DYRK1A: variants seen among roughly 807,000 people sequenced by gnomAD.
DYRK1A encodes dual specificity tyrosine-phosphorylation-regulated kinase 1A.
A neutral mutation model predicts 79.7 loss-of-function variants in DYRK1A; 9 were observed. The observed-to-expected ratio is 0.11, with a 90% confidence interval of 0.07 to 0.20. DYRK1A has a LOEUF of 0.20. Ranked by LOEUF, DYRK1A falls within the 10% of genes least tolerant of loss-of-function variation. The probability of loss-of-function intolerance (pLI) is 1.00; values close to 1 mark genes in which losing one functional copy is unlikely to be tolerated. For synonymous variants in DYRK1A, 349 were observed against 329.7 expected (o/e 1.06, Z -0.63); for missense variants, 622 against 956.0 (o/e 0.65, Z 4.61).
In DYRK1A at chr21:37,486,456, T is replaced by A. The variant is rs758070032; in HGVS notation, c.490-11T>A. ...TTAATGAAATAGAGAATTATTCATC[T>A]TCTCTTTTAGGTTGTAAAGGCATAT... On this transcript the variant is annotated splice_polypyrimidine_tract_variant and intron_variant, in intron 5 of 11. Coordinates refer to ENST00000647188, the MANE Select transcript of DYRK1A (RefSeq NM_001347721.2). 2.8e-6 allele frequency: 4 copies of A among 1,428,876 alleles called. No individual in the cohort carries two copies. In the East Asian group the frequency reaches 8.0e-5, roughly 29 times the overall value. 88.5% of individuals were successfully genotyped at this position (1,428,876 alleles called of 1,614,324 possible). A position where few individuals can be genotyped will look rare whatever the true frequency, so the allele number is the denominator to read the frequency against.
At chr21:37,406,861 C>T (rs2050157697) in intron 1 of DYRK1A, among the ~76,000 whole-genome samples, 1 of 146,068 alleles carries the variant, frequency 6.8e-6, no homozygotes. Context: ...GTGACTTTTA[C>T]TAGTGAAAAT....
chr21:37,523,996 G>A lies in DYRK1A; in HGVS notation c.*11465G>A, dbSNP rs997250124. On this transcript the variant is annotated 3_prime_UTR_variant, in exon 12 of 12. Coordinates refer to ENST00000647188, the MANE Select transcript of DYRK1A (RefSeq NM_001347721.2). The stretch of plus-strand genomic sequence containing the variant: ...TTTTGAATGCCACTTGTATTCCCAT[G>A]CTACAACATTTTATTTTTTATTACC... 3 of 152,180 alleles carry A rather than the reference G, an allele frequency of 2.0e-5. No homozygotes were observed. The highest frequency in any genetic ancestry group is 6.5e-5 in the Admixed American group (1 of 15,274). 9.4% of individuals were successfully genotyped at this position (152,180 alleles called of 1,614,324 possible).
At chr21:37,439,448 T>C (rs1601091378) in intron 2 of DYRK1A, among the ~76,000 whole-genome samples, 1 of 152,156 alleles carries the variant, frequency 6.6e-6, no homozygotes, top group East Asian at 1.9e-4. Context: ...TCAGTGTCCT[T>C]TATCACAAGG....
intron 4 of DYRK1A, among the ~76,000 whole-genome samples, chr21:37,479,619 GTTT>G (rs565080496): frequency 2.7e-5 from 2 of 73,898 alleles, no homozygotes; most frequent in African/African-American, 1.0e-4. Flanking sequence ...TTTGTTTTTT[GTTT>G]TTTTTTTTTT....
chr21:37,499,967 A>G (rs1021418893), intron 9 of DYRK1A, among the ~76,000 whole-genome samples: 4 of 152,192 alleles, frequency 2.6e-5, no homozygotes, highest in Non-Finnish European at 4.4e-5. Flanking sequence ...ATGAGGGCCA[A>G]CTTTTCACAT....
At chr21:37,470,516 A>T (rs2052185235) in intron 2 of DYRK1A, among the ~76,000 whole-genome samples, 1 of 152,218 alleles carries the variant, frequency 6.6e-6, no homozygotes, top group Non-Finnish European at 1.5e-5. Flanking sequence ...GAATAGGGTC[A>T]GTATAGTAAT....
At chr21:37,478,114 A>C in intron 3 of DYRK1A, 94 bp from the exon 4 acceptor site, 1 of 1,539,464 alleles carries the variant, frequency 6.5e-7, no homozygotes, top group Non-Finnish European at 8.8e-7. Flanking sequence ...AAGTAGATAC[A>C]TGCAGGTTAC....
At chr21:37,403,700 T>TG (rs2050100565) in intron 1 of DYRK1A, among the ~76,000 whole-genome samples, 1 of 146,616 alleles carries the variant, frequency 6.8e-6, no homozygotes, top group African/African-American at 2.5e-5. Flanking sequence ...TGTGTGTGTG[T>TG]TCACCAGGCT....
At chr21:37,414,022 A>G (rs1318990178) in intron 1 of DYRK1A, among the ~76,000 whole-genome samples, 1 of 152,154 alleles carries the variant, frequency 6.6e-6, no homozygotes, top group Non-Finnish European at 1.5e-5. Flanking sequence ...AGTACTGTGC[A>G]CCTGGTAAAA....
chr21:37,400,823 C>T (rs904873762), intron 1 of DYRK1A, among the ~76,000 whole-genome samples: 4 of 152,118 alleles, frequency 2.6e-5, no homozygotes, highest in Admixed American at 1.3e-4. Context: ...TGATTGTACC[C>T]TTTCTAAAGT....
At chr21:37,457,186 C>G (rs546248389) in intron 2 of DYRK1A, among the ~76,000 whole-genome samples, 3 of 152,056 alleles carry the variant, frequency 2.0e-5, no homozygotes, top group Non-Finnish European at 4.4e-5. Context: ...TTGTCTCAGA[C>G]TCCGGAGTAG....
At chr21:37,455,819 G>A (rs1337424684) in intron 2 of DYRK1A, among the ~76,000 whole-genome samples, 2 of 152,080 alleles carry the variant, frequency 1.3e-5, no homozygotes, top group Admixed American at 6.5e-5. Context: ...ACTGTTCTTA[G>A]TACCTTGAGG....
chr21:37,478,905 C>A (rs548808421), intron 4 of DYRK1A, among the ~76,000 whole-genome samples: 1 of 152,262 alleles, frequency 6.6e-6, no homozygotes, highest in South Asian at 2.1e-4. Context: ...GAATTCCTTG[C>A]CTGTACTTGG....
At chr21:37,479,997 C>T (rs1274457091) in intron 4 of DYRK1A, among the ~76,000 whole-genome samples, 1 of 151,934 alleles carries the variant, frequency 6.6e-6, no homozygotes, top group Non-Finnish European at 1.5e-5. Flanking sequence ...GGAGTGGGGG[C>T]TAAGAGGCCA....
In DYRK1A at chr21:37,514,604, A is replaced by G. The variant is rs2053848619; in HGVS notation, c.*2073A>G. The G allele has an allele frequency of 6.6e-6, 1 of 152,642 alleles. No individual in the cohort carries two copies. The allele number at this position is 152,642 out of a possible 1,614,324, so 9.5% of individuals were successfully genotyped here. A position where few individuals can be genotyped will look rare whatever the true frequency, so the allele number is the denominator to read the frequency against. ...TAAACACTATGTAAATGTGAATGGA[A>G]ACTTGGAAATACTCGTTTTTATAAA... On this transcript the variant is annotated 3_prime_UTR_variant, in exon 12 of 12. Transcript: ENST00000647188.
At chr21:37,502,945 G>A (rs1377089196) in intron 9 of DYRK1A, 2 of 152,140 alleles carry the variant, frequency 1.3e-5, no homozygotes, top group East Asian at 3.8e-4. Context: ...AAGATGTATT[G>A]ACTTTTTTTC....
At chr21:37,419,547 T>C (rs1039912095) in intron 1 of DYRK1A, 7 of 152,222 alleles carry the variant, frequency 4.6e-5, no homozygotes, top group African/African-American at 1.7e-4. Context: ...ATTCCTTGAA[T>C]TAAATTCGAT....
chr21:37,396,591 T>C (rs1374323796), intron 1 of DYRK1A, among the ~76,000 whole-genome samples: 8 of 152,092 alleles, frequency 5.3e-5, no homozygotes, highest in Admixed American at 5.2e-4. Flanking sequence ...AGCGTAATAT[T>C]GAGGGAAAAG....
intron 1 of DYRK1A, among the ~76,000 whole-genome samples, chr21:37,385,551 C>T (rs2049743579): frequency 6.6e-6 from 1 of 152,176 alleles, no homozygotes; most frequent in South Asian, 2.1e-4. Context: ...CATGGACATG[C>T]CATGCCATTA....
Sources: allele counts gnomAD v4.1 joint callset (sites outside exome capture counted in the v4.1 genomes callset), GRCh38; gene constraint gnomAD v4.1.1; transcripts MANE v1.5; gene names NCBI Gene and HGNC (gene_info 2026-07-23, HGNC 2026-07-21).